ARB2A: variants seen among roughly 807,000 people sequenced by gnomAD.
ARB2A encodes the protein cotranscriptional regulator ARB2A.
the ARB2A span, among the ~76,000 whole-genome samples, chr5:94,035,948 G>A: frequency 2.0e-5 from 3 of 151,978 alleles, no homozygotes; most frequent in Non-Finnish European, 4.4e-5. Flanking sequence ...CATGGCAGAT[G>A]TATACCTATG....
chr5:93,706,882 G>A, the ARB2A span, among the ~76,000 whole-genome samples: 1 of 150,990 alleles, frequency 6.6e-6, no homozygotes, highest in African/African-American at 2.4e-5. Context: ...AAAAAAAGTG[G>A]CCAGGATTCT....
the ARB2A span, among the ~76,000 whole-genome samples, chr5:93,758,738 G>A: frequency 6.6e-6 from 1 of 152,226 alleles, no homozygotes; most frequent in East Asian, 1.9e-4. Flanking sequence ...CTGGAATACA[G>A]CAAAGGCAGT....
chr5:93,879,952 A>G, the ARB2A span, among the ~76,000 whole-genome samples: 2 of 151,866 alleles, frequency 1.3e-5, no homozygotes, highest in Non-Finnish European at 2.9e-5. Context: ...TTAACCTGTC[A>G]TAAGATGGTG....
At chr5:93,686,934 A>C in the ARB2A span, among the ~76,000 whole-genome samples, 3 of 152,230 alleles carry the variant, frequency 2.0e-5, no homozygotes, top group Non-Finnish European at 4.4e-5. Context: ...CATGACAATA[A>C]GAGTGGAAAC....
the ARB2A span, among the ~76,000 whole-genome samples, chr5:93,889,959 T>C: frequency 2.6e-5 from 4 of 151,948 alleles, no homozygotes; most frequent in African/African-American, 9.7e-5. Flanking sequence ...CAACAAGTCA[T>C]AGTCCTGCAA....
At chr5:94,004,569 G>A in the ARB2A span, among the ~76,000 whole-genome samples, 4 of 150,032 alleles carry the variant, frequency 2.7e-5, no homozygotes, top group Admixed American at 6.6e-5. Context: ...GCGACAAAGT[G>A]AGACTCCATC....
the ARB2A span, among the ~76,000 whole-genome samples, chr5:93,929,088 C>G: frequency 6.6e-6 from 1 of 152,040 alleles, no homozygotes; most frequent in East Asian, 1.9e-4. Flanking sequence ...ATGTTAAATA[C>G]TTTTCCACCA....
the ARB2A span, among the ~76,000 whole-genome samples, chr5:94,101,798 G>A: frequency 6.6e-6 from 1 of 152,004 alleles, no homozygotes; most frequent in Non-Finnish European, 1.5e-5. Context: ...CTTAAGAGAG[G>A]GAGGTGAGGA....
the ARB2A span, among the ~76,000 whole-genome samples, chr5:93,657,198 G>A: frequency 6.6e-6 from 1 of 152,154 alleles, no homozygotes; most frequent in South Asian, 2.1e-4. Context: ...CTAGTTTGCA[G>A]TAGCAAACTG....
At chr5:94,035,045 T>C in the ARB2A span, among the ~76,000 whole-genome samples, 2 of 152,202 alleles carry the variant, frequency 1.3e-5, no homozygotes, top group African/African-American at 4.8e-5. Context: ...GAAACTGTCT[T>C]CCATGAAACC....
At chr5:93,683,390 T>G in the ARB2A span, 1 of 1,603,042 alleles carries the variant, frequency 6.2e-7, no homozygotes, top group South Asian at 1.1e-5. Flanking sequence ...TCCACTAATA[T>G]GCACTGGCCC....
chr5:94,049,604 C>G, the ARB2A span, among the ~76,000 whole-genome samples: 1 of 150,436 alleles, frequency 6.6e-6, no homozygotes, highest in South Asian at 2.1e-4. Context: ...TAGGTGAAAC[C>G]CCATCTCTAC....
At chr5:94,074,858 C>T in the ARB2A span, 1 of 771,284 alleles carries the variant, frequency 1.3e-6, no homozygotes, top group East Asian at 2.7e-5. Flanking sequence ...CAGGATTAAT[C>T]TCTCTATGCT....
the ARB2A span, among the ~76,000 whole-genome samples, chr5:93,993,013 C>A: frequency 6.6e-6 from 1 of 151,940 alleles, no homozygotes. Flanking sequence ...GGGATCTGCA[C>A]ACGATTTTAG....
the ARB2A span, among the ~76,000 whole-genome samples, chr5:93,988,708 G>C: frequency 1.3e-5 from 2 of 152,174 alleles, no homozygotes; most frequent in Admixed American, 6.5e-5. Flanking sequence ...TGAGTAAATA[G>C]TAATAATAGT....
the ARB2A span, chr5:93,738,207 A>G: frequency 0.088 from 14,162 of 161,438 alleles, 816 homozygotes; most frequent in Middle Eastern, 0.17. Context: ...GATGCTCAAC[A>G]TCATTAGTCA....
chr5:93,755,261 A>G, the ARB2A span, among the ~76,000 whole-genome samples: 269 of 152,326 alleles, frequency 1.8e-3, no homozygotes, highest in African/African-American at 5.5e-3. Flanking sequence ...CTATAAAATA[A>G]ATATAGATCC....
At chr5:93,742,132 T>C in the ARB2A span, among the ~76,000 whole-genome samples, 8 of 152,082 alleles carry the variant, frequency 5.3e-5, no homozygotes, top group Admixed American at 2.0e-4. Flanking sequence ...AACATCAGTT[T>C]ACTACCTCAG....
the ARB2A span, among the ~76,000 whole-genome samples, chr5:93,640,827 CAT>C: frequency 2.3e-4 from 35 of 152,106 alleles, no homozygotes; most frequent in Middle Eastern, 6.8e-3. Flanking sequence ...GTATATTTTA[CAT>C]GTGTTACACA....
Sources: allele counts gnomAD v4.1 joint callset (sites outside exome capture counted in the v4.1 genomes callset), GRCh38; gene constraint gnomAD v4.1.1; transcripts MANE v1.5; gene names NCBI Gene and HGNC (gene_info 2026-07-23, HGNC 2026-07-21).